The following RPS15A variants were observed in gnomAD, a reference collection of about 807,000 sequenced individuals.
RPS15A encodes the protein ribosomal protein S15a.
For missense variants in RPS15A, 62 were observed against 163.4 expected, an observed-to-expected ratio of 0.38 and a Z score of 3.38; for synonymous variants, 55 against 58.5, an observed-to-expected ratio of 0.94 and a Z score of 0.27.
intron 4 of RPS15A, chr16:18,783,533 A>AT: frequency 2.6e-6 from 1 of 390,518 alleles, no homozygotes; most frequent in Non-Finnish European, 5.1e-6. Flanking sequence ...TGGCTGCTTC[A>AT]TGAGTTACTG....
intron 2 of RPS15A, chr16:18,788,482 GT>G (rs1341043439): frequency 4.9e-5 from 12 of 246,370 alleles, no homozygotes; most frequent in Non-Finnish European, 7.8e-5. Context: ...GATCTCAAGA[GT>G]CCTTTCTTTC....
intron 4 of RPS15A, 141 bp downstream of exon 4, chr16:18,784,597 C>CTATTA: frequency 6.0e-6 from 4 of 668,194 alleles, no homozygotes; most frequent in South Asian, 3.8e-5. Flanking sequence ...AACACTTGAG[C>CTATTA]TATTAGGTCA....
chr16:18,788,762 T>C (rs767331558), intron 2 of RPS15A: 6 of 498,396 alleles, frequency 1.2e-5, no homozygotes, highest in Non-Finnish European at 2.2e-5. Flanking sequence ...TAGATTCATT[T>C]AGCTCCCAAA....
intron 3 of RPS15A, chr16:18,785,730 A>G (rs1904037321): frequency 6.6e-6 from 1 of 152,248 alleles, no homozygotes; most frequent in African/African-American, 2.4e-5. Flanking sequence ...TTGACTAACA[A>G]GGACAATCTC....
chr16:18,783,859 A>G, intron 4 of RPS15A: 1 of 370,310 alleles, frequency 2.7e-6, no homozygotes. Context: ...ATGGCTTTAA[A>G]GCAGAAAAAC....
intron 3 of RPS15A, 57 bp from the exon 4 acceptor site, chr16:18,784,880 T>TGACA: frequency 3.7e-5 from 50 of 1,355,606 alleles, no homozygotes; most frequent in Non-Finnish European, 5.0e-5. Context: ...ACAGAAAAAC[T>TGACA]GAGTAACACA....
At chr16:18,789,632 C>T (rs1275970554) in intron 1 of RPS15A, among the ~76,000 whole-genome samples, 1 of 152,196 alleles carries the variant, frequency 6.6e-6, no homozygotes, top group Admixed American at 6.5e-5. Flanking sequence ...TATTAAACAT[C>T]CATCTTCGTG....
chr16:18,787,929 T>C, intron 3 of RPS15A, 134 bp downstream of exon 3: 1 of 652,806 alleles, frequency 1.5e-6, no homozygotes, highest in Non-Finnish European at 2.7e-6. Context: ...TGTGTCAATT[T>C]TTAAACCTTT....
Position 18,785,069 on chromosome 16 carries a change from G to A in RPS15A, c.214-246C>T, listed in dbSNP as rs181486158. 1.0e-3 allele frequency: 427 copies of A among 410,380 alleles called. 1 individual carries two copies. The highest frequency in any genetic ancestry group is 1.7e-3 in the Non-Finnish European group (383 of 231,686). 25.4% of individuals were successfully genotyped at this position (410,380 alleles called of 1,614,324 possible). ...ATGGAACAAGGCAATACATGGCAGT[G>A]TCAGGCCACTGGCGTGCTCCCTGTT... On this transcript the variant is annotated intron_variant, in intron 3 of 4. Coordinates refer to ENST00000322989, the MANE Select transcript of RPS15A (RefSeq NM_001019.5).
intron 3 of RPS15A, 99 bp downstream of exon 3, chr16:18,787,964 A>G (rs778800521): frequency 2.0e-5 from 15 of 768,450 alleles, no homozygotes; most frequent in African/African-American, 6.9e-5. Context: ...TAAATCAAGT[A>G]TGGCACCACT....
At chr16:18,789,638 T>C (rs2029981444) in intron 1 of RPS15A, among the ~76,000 whole-genome samples, 1 of 152,234 alleles carries the variant, frequency 6.6e-6, no homozygotes, top group Admixed American at 6.5e-5. Context: ...ACATCCATCT[T>C]CGTGCCATTT....
intron 2 of RPS15A, chr16:18,788,695 T>C (rs1411491003): frequency 3.1e-6 from 1 of 317,646 alleles, no homozygotes. Context: ...AGAGACGGGG[T>C]TTTGCCATGT....
Position 18,789,085 on chromosome 16 carries a change from G to C in RPS15A, c.29C>G (p.Ala10Gly). 5 of 1,613,938 alleles carry C rather than the reference G, an allele frequency of 3.1e-6. No individual in the cohort carries two copies. Among genetic ancestry groups the C allele is most frequent in the Non-Finnish European group, 4.2e-6 (5 of 1,179,934 alleles). The stretch of plus-strand genomic sequence containing the variant: ...TTCGGCATTGTTGATACTCTTGAGA[G>C]CATCTGCCAGGACATTCATGCGCAC... The part of the protein sequence containing the change: MVRMNVLAD[A>G]LKSINNAEKR... Residue 10 changes from alanine (A) to glycine (G), a missense_variant, in exon 2 of 5, where the codon GCT (alanine) becomes GGT (glycine). By Grantham distance (60) the Ala-to-Gly change is moderately conservative. Transcript: ENST00000322989.
At chr16:18,783,732 A>G (rs552373087) in intron 4 of RPS15A, 56 of 455,802 alleles carry the variant, frequency 1.2e-4, no homozygotes, top group African/African-American at 7.6e-4. Context: ...ACAAAGATAC[A>G]CATTTACTGT....
Position 18,782,329 on chromosome 16 carries a change from GTATT to G in RPS15A, c.*676_*679del, listed in dbSNP as rs1423589848. ...AAAAAAAAAAAAAAATTCCTAGCAA[GTATT>G]TATTACAGCAGTCAGTGACAAAAGC... On this transcript the variant is annotated 3_prime_UTR_variant, in exon 5 of 5. Coordinates refer to ENST00000322989, the MANE Select transcript of RPS15A (RefSeq NM_001019.5). 1 of 139,046 alleles carries G rather than the reference GTATT, an allele frequency of 7.2e-6. No individual in the cohort carries two copies. The highest frequency in any genetic ancestry group is 1.6e-5 in the Non-Finnish European group (1 of 63,936). 8.6% of individuals were successfully genotyped at this position (139,046 alleles called of 1,614,324 possible). A position where few individuals can be genotyped will look rare whatever the true frequency, so the allele number is the denominator to read the frequency against.
At chr16:18,784,850 C>T in intron 3 of RPS15A, 27 bp from the exon 4 acceptor site, 2 of 1,536,506 alleles carry the variant, frequency 1.3e-6, no homozygotes, top group Non-Finnish European at 1.8e-6. Context: ...ACAACAAAAA[C>T]ATTCTTCACT....
chr16:18,788,253 T>C (rs1210238527), intron 2 of RPS15A, 111 bp from the exon 3 acceptor site: 8 of 708,018 alleles, frequency 1.1e-5, no homozygotes, highest in Non-Finnish European at 2.0e-5. Context: ...TGACTGCTTC[T>C]CCAAAAAGTT....
chr16:18,782,926 C>A lies in RPS15A; in HGVS notation c.*83G>T. 6 of 778,032 alleles carry A rather than the reference C, an allele frequency of 7.7e-6. No individual in the cohort carries two copies. 48.2% of individuals were successfully genotyped at this position (778,032 alleles called of 1,614,324 possible). On this transcript the variant is annotated 3_prime_UTR_variant, in exon 5 of 5. Coordinates refer to ENST00000322989, the MANE Select transcript of RPS15A (RefSeq NM_001019.5). ...CATGCTGCCGCAGAAGCTGTGGCTA[C>A]ACTGCTGTAAAGGCTCAAAACGACC...
chr16:18,784,879 CT>C (rs1316273574), intron 3 of RPS15A, 56 bp from the exon 4 acceptor site: 3 of 1,356,544 alleles, frequency 2.2e-6, no homozygotes, highest in East Asian at 4.6e-5. Flanking sequence ...AACAGAAAAA[CT>C]GAGTAACACA....
Sources: gnomAD v4.1 joint callset for allele counts (sites outside exome capture counted in the v4.1 genomes callset) on GRCh38, gnomAD v4.1.1 for gene constraint, MANE v1.5 for transcripts, NCBI Gene and HGNC (gene_info 2026-07-23, HGNC 2026-07-21) for gene names.